The following ANO10 variants were observed in gnomAD, a reference collection of about 807,000 sequenced individuals.
ANO10 encodes the protein anoctamin-10.
ANO10 carries 77 observed loss-of-function variants against 74.7 expected under a neutral mutation model. That is an observed-to-expected ratio of 1.03 (90% CI 0.86 to 1.25). The LOEUF (loss-of-function observed/expected upper bound fraction) is 1.25, where lower values mean the gene tolerates loss of function less well. Ranked by LOEUF, ANO10 falls within the 50% of genes most tolerant of loss-of-function variation. ANO10 has a pLI of 0.00. For synonymous variants in ANO10, 279 were observed against 284.9 expected (o/e 0.98, Z 0.21); for missense variants, 721 against 778.1 (o/e 0.93, Z 0.87).
At chr3:43,593,304 T>C (rs538553210) in intron 4 of ANO10, among the ~76,000 whole-genome samples, 2 of 152,256 alleles carry the variant, frequency 1.3e-5, no homozygotes, top group African/African-American at 2.4e-5. Flanking sequence ...AGACACATAA[T>C]TGTTAGATTC....
chr3:43,617,022 T>G (rs1309440014), intron 1 of ANO10, among the ~76,000 whole-genome samples: 1 of 151,510 alleles, frequency 6.6e-6, no homozygotes, highest in Non-Finnish European at 1.5e-5. Flanking sequence ...TCTAATTAGC[T>G]GGCTCAATGA....
At position 43,366,890 on chromosome 3, in the gene ANO10, T is replaced by TG; in HGVS notation, c.*15dup. 6.4e-7 allele frequency: 1 copy of TG among 1,574,694 alleles called. No homozygotes were observed. Among genetic ancestry groups the TG allele is most frequent in the South Asian group, 1.2e-5 (1 of 85,974 alleles). ...CACAGGCCTCTGCCAACAGGGCAGC[T>TG]GGGCACGCTGGGCACTCAGGTTGCC... On this transcript the variant is annotated 3_prime_UTR_variant, in exon 13 of 13. Transcript: ENST00000292246.
intron 1 of ANO10, among the ~76,000 whole-genome samples, chr3:43,655,010 T>C (rs919177605): frequency 3.3e-5 from 5 of 152,214 alleles, no homozygotes; most frequent in Non-Finnish European, 5.9e-5. Context: ...AGGTGTTAGA[T>C]TAATTCCATA....
chr3:43,437,867 AAAAAAAAAAC>A (rs904890535), intron 11 of ANO10, among the ~76,000 whole-genome samples: 30 of 147,930 alleles, frequency 2.0e-4, no homozygotes, highest in African/African-American at 6.9e-4. Flanking sequence ...GGGCATCTGA[AAAAAAAAAAC>A]AAAAAAAAAC....
chr3:43,633,028 CA>C (rs1174613355), intron 1 of ANO10, among the ~76,000 whole-genome samples: 17 of 152,014 alleles, frequency 1.1e-4, no homozygotes, highest in African/African-American at 3.6e-4. Flanking sequence ...CTCAACATAT[CA>C]AGTAGAAATA....
chr3:43,594,088 C>T (rs1388169425), intron 4 of ANO10, among the ~76,000 whole-genome samples: 1 of 152,200 alleles, frequency 6.6e-6, no homozygotes, highest in Non-Finnish European at 1.5e-5. Flanking sequence ...GCACCCAATA[C>T]AGGAGCACCC....
chr3:43,421,871 C>A (rs976133733), intron 12 of ANO10, among the ~76,000 whole-genome samples: 1 of 152,092 alleles, frequency 6.6e-6, no homozygotes, highest in Non-Finnish European at 1.5e-5. Context: ...TGGTAAAATA[C>A]GTGTAACATA....
intron 11 of ANO10, among the ~76,000 whole-genome samples, chr3:43,469,413 A>G (rs112582636): frequency 7.1e-4 from 108 of 152,234 alleles, no homozygotes; most frequent in African/African-American, 2.2e-3. Context: ...TTCATCTCCT[A>G]CTGATTCATC....
At chr3:43,484,565 G>A (rs115909435) in intron 11 of ANO10, among the ~76,000 whole-genome samples, 1 of 152,182 alleles carries the variant, frequency 6.6e-6, no homozygotes, top group Non-Finnish European at 1.5e-5. Context: ...GCTGTCATGT[G>A]ATGCTACACC....
chr3:43,691,356 C>G, intron 1 of ANO10: 1 of 223,214 alleles, frequency 4.5e-6, no homozygotes, highest in Non-Finnish European at 8.7e-6. Context: ...GGCGACGGAG[C>G]TGGCCGCGGC....
intron 11 of ANO10, among the ~76,000 whole-genome samples, chr3:43,453,174 T>C (rs902276611): frequency 7.1e-5 from 9 of 127,468 alleles, no homozygotes; most frequent in African/African-American, 2.1e-4. Flanking sequence ...TATCTTCTTT[T>C]CCCCCTTTTT....
At chr3:43,557,564 T>C (rs896282198) in intron 9 of ANO10, among the ~76,000 whole-genome samples, 2 of 151,462 alleles carry the variant, frequency 1.3e-5, no homozygotes, top group Admixed American at 6.6e-5. Flanking sequence ...TGAAAACCTG[T>C]CTCTACTAAA....
chr3:43,428,409 G>T (rs2092930239), intron 12 of ANO10, among the ~76,000 whole-genome samples: 1 of 152,046 alleles, frequency 6.6e-6, no homozygotes, highest in Non-Finnish European at 1.5e-5. Flanking sequence ...GTGGAGACAG[G>T]GAGGGAGAAT....
intron 1 of ANO10, among the ~76,000 whole-genome samples, chr3:43,678,361 G>A (rs114888192): frequency 0.021 from 3,218 of 152,230 alleles, 55 homozygotes; most frequent in South Asian, 0.092. Context: ...TGCCTCCAAA[G>A]AAAGAAGTAA....
At chr3:43,477,397 G>A (rs2076106069) in intron 11 of ANO10, among the ~76,000 whole-genome samples, 1 of 152,134 alleles carries the variant, frequency 6.6e-6, no homozygotes, top group Non-Finnish European at 1.5e-5. Flanking sequence ...CCATATGCTA[G>A]GGACTGTCCT....
intron 1 of ANO10, among the ~76,000 whole-genome samples, chr3:43,659,279 G>C (rs1474673237): frequency 6.6e-6 from 1 of 152,210 alleles, no homozygotes; most frequent in Non-Finnish European, 1.5e-5. Context: ...AGTGCAAGGG[G>C]TCGGGGCATT....
intron 11 of ANO10, among the ~76,000 whole-genome samples, chr3:43,437,174 C>G (rs1180632994): frequency 6.6e-6 from 1 of 152,146 alleles, no homozygotes; most frequent in Non-Finnish European, 1.5e-5. Flanking sequence ...TCTTCTACCT[C>G]CCAAAGGTCC....
At chr3:43,395,673 A>C (rs2092363887) in intron 12 of ANO10, among the ~76,000 whole-genome samples, 1 of 152,140 alleles carries the variant, frequency 6.6e-6, no homozygotes, top group South Asian at 2.1e-4. Flanking sequence ...TTTGAAATCA[A>C]GTAGTCTTCC....
At chr3:43,614,220 T>C (rs774811841) in intron 1 of ANO10, among the ~76,000 whole-genome samples, 4 of 152,196 alleles carry the variant, frequency 2.6e-5, no homozygotes, top group Non-Finnish European at 4.4e-5. Context: ...AACCAGATCA[T>C]AAAACAATTT....
Sources: gnomAD v4.1 joint callset for allele counts (sites outside exome capture counted in the v4.1 genomes callset) on GRCh38, gnomAD v4.1.1 for gene constraint, MANE v1.5 for transcripts, NCBI Gene and HGNC (gene_info 2026-07-23, HGNC 2026-07-21) for gene names.